The following DPP6 variants were observed in gnomAD, a reference collection of about 807,000 sequenced individuals.
DPP6 encodes the protein dipeptidyl peptidase like 6.
DPP6 carries 69 observed loss-of-function variants against 122.6 expected under a neutral mutation model. The observed-to-expected ratio is 0.56, with a 90% confidence interval of 0.46 to 0.69. The LOEUF is 0.69. DPP6 is among the 30% of genes least tolerant of loss of function. DPP6 has a pLI of 0.00. For synonymous variants in DPP6, 418 were observed against 433.1 expected, an observed-to-expected ratio of 0.97 and a Z score of 0.43; for missense variants, 928 against 1,116.9, an observed-to-expected ratio of 0.83 and a Z score of 2.41.
At chr7:154,397,085 T>C (rs1285010937) in intron 1 of DPP6, among the ~76,000 whole-genome samples, 1 of 151,196 alleles carries the variant, frequency 6.6e-6, no homozygotes, top group African/African-American at 2.4e-5. Context: ...TAAGATAAAT[T>C]AGATTTATAA....
chr7:154,202,905 G>GGCAT (rs1410244019), intron 1 of DPP6, among the ~76,000 whole-genome samples: 1 of 152,168 alleles, frequency 6.6e-6, no homozygotes, highest in African/African-American at 2.4e-5. Flanking sequence ...AACAGGCACA[G>GGCAT]GCATGCATAC....
In DPP6 at chr7:154,612,145, T is replaced by C. The variant is rs992820702; in HGVS notation, c.628-25676T>C. Among the ~76,000 whole-genome samples, 8 of 152,324 alleles carry C rather than the reference T, an allele frequency of 5.3e-5. No individual in the cohort carries two copies. In the East Asian group the frequency reaches 7.7e-4, roughly 15 times the overall value. On this transcript the variant is annotated intron_variant, in intron 5 of 25. Coordinates refer to ENST00000377770, the MANE Select transcript of DPP6 (RefSeq NM_130797.4). ...TTGACAGATGTGGGCCCCTTGATCTTAAGCTTTCCAGCCTCCAGACCTGCG... is the reference window on the plus strand; with the variant it reads ...TTGACAGATGTGGGCCCCTTGATCTCAAGCTTTCCAGCCTCCAGACCTGCG...
chr7:154,540,149 C>G (rs567550132), intron 3 of DPP6, among the ~76,000 whole-genome samples: 1 of 152,294 alleles, frequency 6.6e-6, no homozygotes, highest in African/African-American at 2.4e-5. Context: ...GGCTATGGGC[C>G]ACAAGCATTC....
At chr7:154,059,415 CT>C (rs1241031104) in intron 1 of DPP6, 2 of 151,568 alleles carry the variant, frequency 1.3e-5, no homozygotes, top group Admixed American at 6.6e-5. Context: ...AAGATCAAAT[CT>C]TCCGACGGCA....
At chr7:153,995,572 G>C (rs1797386556) in intron 1 of DPP6, among the ~76,000 whole-genome samples, 1 of 126,592 alleles carries the variant, frequency 7.9e-6, no homozygotes, top group Non-Finnish European at 1.6e-5. Context: ...CCAGGTGAAA[G>C]AGTGAGACTC....
At chr7:153,926,814 G>GA (rs940624318) in intron 1 of DPP6, among the ~76,000 whole-genome samples, 3,241 of 147,652 alleles carry the variant, frequency 0.022, 47 homozygotes, top group Non-Finnish European at 0.03. Flanking sequence ...GTAAAAAAAA[G>GA]AAAAAAAAAA....
rs530925239 is a variant in DPP6, at chr7:154,278,021, C to T, written c.244-168193C>T. 8.5e-5 allele frequency among the ~76,000 whole-genome samples: 13 copies of T among 152,290 alleles called. 1 individual carries two copies. Among genetic ancestry groups the T allele is most frequent in the Middle Eastern group, 3.4e-3 (1 of 294 alleles). On this transcript the variant is annotated intron_variant, in intron 1 of 25. Transcript: ENST00000377770. The stretch of plus-strand genomic sequence containing the variant: ...TGAGGAAGGACCATGGGACTCTTCC[C>T]GTCATGCGGGCGACAGATGTGGTTC...
At chr7:154,794,834 T>A (rs910404448) in intron 11 of DPP6, among the ~76,000 whole-genome samples, 2 of 198 alleles carry the variant, frequency 0.01, no homozygotes, top group African/African-American at 0.056. Flanking sequence ...GCAGGTCACC[T>A]TGTGGCGGGT....
intron 17 of DPP6, among the ~76,000 whole-genome samples, chr7:154,861,887 A>G (rs1803431680): frequency 6.6e-6 from 1 of 152,198 alleles, no homozygotes; most frequent in Non-Finnish European, 1.5e-5. Flanking sequence ...TCATGTAAAT[A>G]AATGGAGAGA....
intron 5 of DPP6, among the ~76,000 whole-genome samples, chr7:154,585,277 C>T (rs571561047): frequency 6.6e-6 from 1 of 152,354 alleles, no homozygotes; most frequent in Non-Finnish European, 1.5e-5. Flanking sequence ...AACGTTTTTG[C>T]TGTTTTGGTG....
Position 154,868,036 on chromosome 7 carries a change from A to G in DPP6, c.1756A>G (p.Ile586Val), listed in dbSNP as rs777968755. ...AACAAATGAACATGTCAAGAAGGCC[A>G]TAAATGACCGACAGATGCCTAAAGT... is the stretch of plus-strand genomic sequence containing the variant. Reference protein sequence around the residue: ...LETNEHVKKAINDRQMPKVEY... With the variant: ...LETNEHVKKAVNDRQMPKVEY... Residue 586 changes from isoleucine to valine, a missense_variant, in exon 18 of 26, where the codon ATA becomes GTA. By Grantham distance (29) the Ile-to-Val change is conservative. Coordinates refer to ENST00000377770, the MANE Select transcript of DPP6 (RefSeq NM_130797.4). 1 of 1,609,134 alleles carries G rather than the reference A, an allele frequency of 6.2e-7. No individual in the cohort carries two copies. Among genetic ancestry groups the G allele is most frequent in the Non-Finnish European group, 8.5e-7 (1 of 1,177,884 alleles).
intron 6 of DPP6, among the ~76,000 whole-genome samples, chr7:154,666,313 C>T (rs1838163018): frequency 2.0e-5 from 3 of 150,770 alleles, no homozygotes; most frequent in South Asian, 4.2e-4. Flanking sequence ...TTCATTCTCT[C>T]TTACACCTGC....
At chr7:154,537,644 C>T (rs1828365615) in intron 3 of DPP6, among the ~76,000 whole-genome samples, 2 of 151,548 alleles carry the variant, frequency 1.3e-5, no homozygotes, top group African/African-American at 4.8e-5. Flanking sequence ...GAGCCGAGAT[C>T]ATGCCATTAC....
chr7:154,056,536 T>C (rs1316409235), intron 1 of DPP6, among the ~76,000 whole-genome samples: 1 of 152,180 alleles, frequency 6.6e-6, no homozygotes, highest in Non-Finnish European at 1.5e-5. Flanking sequence ...AGCAGTAGTT[T>C]TTTTAAGGTT....
chr7:154,138,557 C>T (rs1172903201), intron 1 of DPP6, among the ~76,000 whole-genome samples: 1 of 152,008 alleles, frequency 6.6e-6, no homozygotes, highest in Non-Finnish European at 1.5e-5. Flanking sequence ...TCAAGATCGT[C>T]ACTGGAACTC....
intron 1 of DPP6, among the ~76,000 whole-genome samples, chr7:154,399,379 G>T (rs1177291702): frequency 1.3e-5 from 2 of 152,058 alleles, no homozygotes; most frequent in Non-Finnish European, 2.9e-5. Flanking sequence ...CTTAATTTTT[G>T]TATTTATATT....
At chr7:154,196,673 C>T (rs1348380418) in intron 1 of DPP6, among the ~76,000 whole-genome samples, 1 of 152,154 alleles carries the variant, frequency 6.6e-6, no homozygotes, top group Admixed American at 6.5e-5. Context: ...TGGCCATGAG[C>T]CAGTTGCCCC....
At chr7:154,672,364 C>T (rs1286463848) in intron 7 of DPP6, among the ~76,000 whole-genome samples, 1 of 152,242 alleles carries the variant, frequency 6.6e-6, no homozygotes, top group Non-Finnish European at 1.5e-5. Flanking sequence ...GAGACTGTTT[C>T]ATCTTCGTAT....
intron 1 of DPP6, among the ~76,000 whole-genome samples, chr7:154,035,822 T>C (rs139343259): frequency 6.6e-6 from 1 of 152,356 alleles, no homozygotes; most frequent in East Asian, 1.9e-4. Flanking sequence ...TTTTACATAG[T>C]AGTACCGTAT....
Sources: gnomAD v4.1 joint callset for allele counts (sites outside exome capture counted in the v4.1 genomes callset) on GRCh38, gnomAD v4.1.1 for gene constraint, MANE v1.5 for transcripts, NCBI Gene and HGNC (gene_info 2026-07-23, HGNC 2026-07-21) for gene names.